ARHGAP35: variants seen among roughly 807,000 people sequenced by gnomAD.
ARHGAP35 encodes the protein rho GTPase-activating protein 35.
Under a neutral mutation model 111.1 loss-of-function variants are expected in ARHGAP35, and 15 were observed. The ratio of observed to expected loss-of-function variants is 0.13; its 90% confidence interval spans 0.09 to 0.21. The LOEUF is 0.21. ARHGAP35 is among the 10% of genes least tolerant of loss of function. The pLI, the probability that ARHGAP35 is intolerant of heterozygous loss-of-function variation, is 1.00. For missense variants in ARHGAP35, 1,262 were observed against 1,873.0 expected, an observed-to-expected ratio of 0.67 and a Z score of 6.02; for synonymous variants, 643 against 710.3, an observed-to-expected ratio of 0.91 and a Z score of 1.51.
At chr19:46,978,195 G>C (rs2056589521) in intron 3 of ARHGAP35, among the ~76,000 whole-genome samples, 1 of 152,186 alleles carries the variant, frequency 6.6e-6, no homozygotes, top group Non-Finnish European at 1.5e-5. Flanking sequence ...GCAGGGACTG[G>C]GATCAGCCTT....
At chr19:46,991,874 C>T (rs1232152628) in intron 5 of ARHGAP35, among the ~76,000 whole-genome samples, 1 of 152,242 alleles carries the variant, frequency 6.6e-6, no homozygotes, top group Non-Finnish European at 1.5e-5. Context: ...CCAGTTCTTT[C>T]TACTTAATCC....
chr19:46,940,879 A>G (rs1250265201), intron 3 of ARHGAP35, among the ~76,000 whole-genome samples: 2 of 152,054 alleles, frequency 1.3e-5, no homozygotes, highest in African/African-American at 4.8e-5. Flanking sequence ...GCTGCCCACC[A>G]TCACCCACCT....
intron 5 of ARHGAP35, among the ~76,000 whole-genome samples, chr19:46,991,458 A>T (rs570769904): frequency 6.6e-6 from 1 of 152,082 alleles, no homozygotes; most frequent in Non-Finnish European, 1.5e-5. Context: ...ATTGATAGGG[A>T]ATCAGCCACC....
rs574316315 is a variant in ARHGAP35 at position 46,967,440 on chromosome 19, G to A, written c.3827-20549G>A. On this transcript the variant is annotated intron_variant, in intron 3 of 6. Coordinates refer to ENST00000672722, the MANE Select transcript of ARHGAP35 (RefSeq NM_004491.5). ...GTCCCATTGTTTTTACCACCTAAGC[G>A]TGTTTTCAGCCTGGCCCCTGCCCCT... Among the ~76,000 whole-genome samples, 5 of 152,206 alleles carry A rather than the reference G, an allele frequency of 3.3e-5. No homozygotes were observed. In the East Asian group the frequency reaches 9.7e-4, roughly 29 times the overall value.
intron 3 of ARHGAP35, among the ~76,000 whole-genome samples, chr19:46,968,975 T>G (rs1160285194): frequency 1.3e-5 from 2 of 152,092 alleles, no homozygotes; most frequent in African/African-American, 4.8e-5. Context: ...TAATCCCAGC[T>G]ATTCAGGAGA....
rs11449203 is a variant in ARHGAP35 at position 46,956,956 on chromosome 19, C to CTTTT, written c.3826+19566_3826+19569dup. Among the ~76,000 whole-genome samples the CTTTT allele has an allele frequency of 5.3e-3, 575 of 107,562 alleles. 6 individuals carry two copies. Among genetic ancestry groups the CTTTT allele is most frequent in the Non-Finnish European group, 7.6e-3 (416 of 54,676 alleles). 70.6% of individuals were successfully genotyped at this position (107,562 alleles called of 152,430 possible). A position where few individuals can be genotyped will look rare whatever the true frequency, so the allele number is the denominator to read the frequency against. Reference sequence around the variant, plus strand: ...TATCATTAGCTGTTCTTAAAGCAGACTTTTTTTTTTTTTTTTTTTTTGAGA... The same window carrying CTTTT: ...TATCATTAGCTGTTCTTAAAGCAGACTTTTTTTTTTTTTTTTTTTTTTTTTGAGA... On this transcript the variant is annotated intron_variant, in intron 3 of 6. Coordinates refer to ENST00000672722, the MANE Select transcript of ARHGAP35 (RefSeq NM_004491.5).
intron 1 of ARHGAP35, among the ~76,000 whole-genome samples, chr19:46,881,213 T>G (rs1292907523): frequency 6.6e-6 from 1 of 152,168 alleles, no homozygotes; most frequent in Non-Finnish European, 1.5e-5. Context: ...GTGCAGGGAT[T>G]ATAGGCGTGA....
intron 1 of ARHGAP35, among the ~76,000 whole-genome samples, chr19:46,865,281 A>C (rs925470640): frequency 6.6e-6 from 1 of 152,184 alleles, no homozygotes; most frequent in Non-Finnish European, 1.5e-5. Flanking sequence ...TGCCCTGCCT[A>C]GAAAATCTTT....
chr19:46,927,180 T>G (rs1333189046), intron 2 of ARHGAP35, among the ~76,000 whole-genome samples: 1 of 152,222 alleles, frequency 6.6e-6, no homozygotes, highest in Non-Finnish European at 1.5e-5. Context: ...CGAAGTTCAG[T>G]CATTCTTTTA....
At chr19:46,961,956 A>AAGAGAG (rs1422282496) in intron 3 of ARHGAP35, among the ~76,000 whole-genome samples, 11 of 151,784 alleles carry the variant, frequency 7.2e-5, no homozygotes, top group Non-Finnish European at 1.5e-4. Context: ...AAGAAAGAAA[A>AAGAGAG]AGAGAGAAAG....
Position 46,908,571 on chromosome 19 carries a change from A to G in ARHGAP35, c.-188-9917A>G, listed in dbSNP as rs781414566. Among the ~76,000 whole-genome samples, 7 of 152,208 alleles carry G rather than the reference A, an allele frequency of 4.6e-5. No homozygotes were observed. The highest frequency in any genetic ancestry group is 8.8e-5 in the Non-Finnish European group (6 of 68,028). ...TTAGCTTTTGATTTTGTCTTTGTTT[A>G]TATTTGCCTTATACTTTGATCAGAT... is the stretch of plus-strand genomic sequence containing the variant. On this transcript the variant is annotated intron_variant, in intron 1 of 6. Transcript: ENST00000672722. The surrounding 1 kb of genome is among the most constrained non-coding windows in gnomAD (Gnocchi z 4.2).
chr19:46,910,325 C>G (rs771407301), intron 1 of ARHGAP35, among the ~76,000 whole-genome samples: 2 of 151,976 alleles, frequency 1.3e-5, no homozygotes, highest in Non-Finnish European at 2.9e-5. Context: ...GAGTCTCACT[C>G]TGCTGCCCAG....
At chr19:46,940,858 A>G (rs1483045792) in intron 3 of ARHGAP35, among the ~76,000 whole-genome samples, 1 of 151,920 alleles carries the variant, frequency 6.6e-6, no homozygotes, top group Non-Finnish European at 1.5e-5. Context: ...TGTCCCCTCC[A>G]CTTCATCTCT....
intron 1 of ARHGAP35, among the ~76,000 whole-genome samples, chr19:46,874,501 C>CTT (rs758783354): frequency 0.016 from 1,852 of 114,406 alleles, 74 homozygotes; most frequent in Middle Eastern, 0.037. Context: ...TATGTTTTGT[C>CTT]TTTTTTTTTT....
At position 46,989,403 on chromosome 19, in the gene ARHGAP35, T is replaced by G; in HGVS notation, c.3905-141T>G. 9.0e-7 allele frequency: 1 copy of G among 1,112,478 alleles called. No individual in the cohort carries two copies. Among genetic ancestry groups the G allele is most frequent in the Non-Finnish European group, 1.3e-6 (1 of 792,426 alleles). 68.9% of individuals were successfully genotyped at this position (1,112,478 alleles called of 1,614,324 possible). A position where few individuals can be genotyped will look rare whatever the true frequency, so the allele number is the denominator to read the frequency against. On this transcript the variant is annotated intron_variant, in intron 4 of 6. Transcript: ENST00000672722. This position sits in a 1 kb window ranked among gnomAD's most constrained non-coding sequence, Gnocchi z 5.3. Reference sequence around the variant, plus strand: ...CAGAACTCGCGTTAGCGCTCACAAGTCCCACCCCTCCAATCCTTGCCAGTC... The same window carrying G: ...CAGAACTCGCGTTAGCGCTCACAAGGCCCACCCCTCCAATCCTTGCCAGTC...
intron 1 of ARHGAP35, among the ~76,000 whole-genome samples, chr19:46,881,181 CCACCCACCTCG>C (rs576877258): frequency 6.6e-6 from 1 of 152,104 alleles, no homozygotes; most frequent in South Asian, 2.1e-4. Context: ...CTGATGTAAT[CCACCCACCTCG>C]GCCTCCCAAA....
chr19:46,863,821 G>A (rs567886780), intron 1 of ARHGAP35, among the ~76,000 whole-genome samples: 2 of 152,350 alleles, frequency 1.3e-5, no homozygotes, highest in East Asian at 3.9e-4. Context: ...CTGGTTTGCA[G>A]TGTGACCTTG....
At chr19:46,872,878 C>G in intron 1 of ARHGAP35, among the ~76,000 whole-genome samples, 1 of 91,270 alleles carries the variant, frequency 1.1e-5, no homozygotes. Flanking sequence ...AAGACTCCGT[C>G]TCAAAAAAAA....
chr19:46,903,096 G>C (rs562669535), intron 1 of ARHGAP35, among the ~76,000 whole-genome samples: 1 of 152,142 alleles, frequency 6.6e-6, no homozygotes, highest in Non-Finnish European at 1.5e-5. Flanking sequence ...CTTGACAGTG[G>C]GTTTTCTGAG....
Sources: allele counts gnomAD v4.1 joint callset (sites outside exome capture counted in the v4.1 genomes callset), GRCh38; gene constraint gnomAD v4.1.1; non-coding constraint Gnocchi (gnomAD v3.1); transcripts MANE v1.5; gene names NCBI Gene and HGNC (gene_info 2026-07-23, HGNC 2026-07-21).